Variants in PCDH15 observed in about 807,000 individuals in gnomAD.
The protein encoded by PCDH15 is protocadherin-15.
PCDH15 carries 129 observed loss-of-function variants against 178.5 expected under a neutral mutation model. That is an observed-to-expected ratio of 0.72 (90% CI 0.63 to 0.84). The LOEUF (loss-of-function observed/expected upper bound fraction) is 0.84. PCDH15 is among the 40% of genes least tolerant of loss of function. The pLI, the probability that PCDH15 is intolerant of heterozygous loss-of-function variation, is 0.00. For missense variants in PCDH15, 2,230 were observed against 2,099.9 expected, an observed-to-expected ratio of 1.06 and a Z score of -1.21; for synonymous variants, 800 against 732.0, an observed-to-expected ratio of 1.09 and a Z score of -1.50.
chr10:55,425,236 C>T (rs1184495811), intron 2 of PCDH15, among the ~76,000 whole-genome samples: 2 of 151,776 alleles, frequency 1.3e-5, no homozygotes, highest in Non-Finnish European at 2.9e-5. Context: ...TCATTTTATA[C>T]ATATTTCATT....
intron 3 of PCDH15, among the ~76,000 whole-genome samples, chr10:54,434,344 C>T (rs1311528838): frequency 5.3e-5 from 8 of 152,160 alleles, no homozygotes; most frequent in Admixed American, 1.3e-4. Context: ...AGTCACTTCT[C>T]ATTCACTGAC....
At chr10:55,475,696 T>A (rs941545011) in intron 2 of PCDH15, among the ~76,000 whole-genome samples, 2 of 152,054 alleles carry the variant, frequency 1.3e-5, no homozygotes, top group African/African-American at 4.8e-5. Context: ...TAAACTTGGG[T>A]CTCATCACCA....
chr10:54,003,736 C>CAAAA (rs55871741), intron 20 of PCDH15, among the ~76,000 whole-genome samples: 3 of 76,198 alleles, frequency 3.9e-5, no homozygotes, highest in Non-Finnish European at 4.8e-5. Context: ...CAAACTATTC[C>CAAAA]AAAAAAAAAA....
At chr10:54,828,737 T>C (rs1285073616) in intron 3 of PCDH15, among the ~76,000 whole-genome samples, 1 of 152,042 alleles carries the variant, frequency 6.6e-6, no homozygotes, top group Non-Finnish European at 1.5e-5. Context: ...CATGACAACA[T>C]ATTCAAATTT....
intron 3 of PCDH15, among the ~76,000 whole-genome samples, chr10:54,520,478 G>A (rs1171466438): frequency 1.3e-5 from 2 of 152,030 alleles, no homozygotes; most frequent in Admixed American, 1.3e-4. Context: ...CATCATCACT[G>A]GCCATCAGAG....
At chr10:55,560,817 T>G (rs972007110) in intron 2 of PCDH15, among the ~76,000 whole-genome samples, 1 of 151,998 alleles carries the variant, frequency 6.6e-6, no homozygotes, top group Admixed American at 6.6e-5. Context: ...GTTAGATTTT[T>G]GGGCTATTAA....
intron 24 of PCDH15, among the ~76,000 whole-genome samples, chr10:53,940,389 CT>C (rs2085949011): frequency 6.6e-6 from 1 of 152,042 alleles, no homozygotes; most frequent in African/African-American, 2.4e-5. Context: ...ACATGCATAG[CT>C]TTTAACATGG....
chr10:54,280,904 T>C (rs1288200074), intron 8 of PCDH15, among the ~76,000 whole-genome samples: 2 of 151,846 alleles, frequency 1.3e-5, no homozygotes, highest in African/African-American at 4.8e-5. Context: ...CCCAGTATCT[T>C]AATACAACTC....
At chr10:54,817,005 T>C (rs1031363723) in intron 3 of PCDH15, among the ~76,000 whole-genome samples, 1 of 152,116 alleles carries the variant, frequency 6.6e-6, no homozygotes, top group Non-Finnish European at 1.5e-5. Context: ...TAGGATGTTC[T>C]GTATTTAATT....
Position 54,157,758 on chromosome 10 carries a change from A to G in PCDH15, c.1591-4465T>C, listed in dbSNP as rs148700505. Among the ~76,000 whole-genome samples, 920 of 152,228 alleles carry G rather than the reference A, an allele frequency of 6.0e-3. 6 individuals carry two copies. The highest frequency in any genetic ancestry group is 0.02 in the African/African-American group (851 of 41,530). ...TTTTATGTTCTGTTTCCATTATAAAACTGAATGCACTTAACAGCACCCAAG... is the reference window on the plus strand; with the variant it reads ...TTTTATGTTCTGTTTCCATTATAAAGCTGAATGCACTTAACAGCACCCAAG... On this transcript the variant is annotated intron_variant, in intron 13 of 37. Coordinates refer to ENST00000644397, the MANE Select transcript of PCDH15 (RefSeq NM_001384140.1).
intron 5 of PCDH15, 29 bp from the exon 6 acceptor site, chr10:54,346,513 A>AT: frequency 6.2e-7 from 1 of 1,610,790 alleles, no homozygotes; most frequent in Non-Finnish European, 8.5e-7. Context: ...TTAAATATCA[A>AT]TTTTCATTTT....
At chr10:55,377,668 A>C (rs1000330920) in intron 2 of PCDH15, among the ~76,000 whole-genome samples, 1 of 152,072 alleles carries the variant, frequency 6.6e-6, no homozygotes, top group Non-Finnish European at 1.5e-5. Flanking sequence ...AACTTGGTTT[A>C]CCTGGTACTA....
intron 23 of PCDH15, among the ~76,000 whole-genome samples, chr10:53,951,213 G>T (rs979977837): frequency 1.1e-4 from 16 of 152,134 alleles, no homozygotes; most frequent in African/African-American, 3.9e-4. Flanking sequence ...ATTGTAAATA[G>T]ATATGAAGAA....
chr10:55,015,218 T>C (rs1394441914), intron 2 of PCDH15, among the ~76,000 whole-genome samples: 2 of 152,072 alleles, frequency 1.3e-5, no homozygotes, highest in Non-Finnish European at 2.9e-5. Context: ...TATTTAAATT[T>C]ATATTTTAAA....
chr10:54,112,968 T>C (rs1212072808), intron 15 of PCDH15, among the ~76,000 whole-genome samples: 1 of 152,144 alleles, frequency 6.6e-6, no homozygotes, highest in Non-Finnish European at 1.5e-5. Flanking sequence ...AATCTGAAAA[T>C]GATTTAAGCT....
intron 1 of PCDH15, among the ~76,000 whole-genome samples, chr10:54,732,003 T>A (rs1302530421): frequency 6.6e-6 from 1 of 151,316 alleles, no homozygotes; most frequent in Non-Finnish European, 1.5e-5. Context: ...ATTACACTGA[T>A]TTGATATTTA....
chr10:54,976,841 T>C (rs1839085107), intron 2 of PCDH15, among the ~76,000 whole-genome samples: 2 of 152,184 alleles, frequency 1.3e-5, no homozygotes, highest in African/African-American at 4.8e-5. Flanking sequence ...GGATTAGTTT[T>C]AGGGAGGAAC....
At chr10:54,091,536 A>G (rs1185049341) in intron 15 of PCDH15, among the ~76,000 whole-genome samples, 1 of 152,190 alleles carries the variant, frequency 6.6e-6, no homozygotes, top group Non-Finnish European at 1.5e-5. Flanking sequence ...AGCTACCACA[A>G]TGGATTGATG....
At chr10:54,600,535 G>A in intron 2 of PCDH15, 1 of 577,770 alleles carries the variant, frequency 1.7e-6, no homozygotes, top group Non-Finnish European at 3.4e-6. Context: ...GAGGGAGATG[G>A]TGCTACCAAA....
Sources: gnomAD v4.1 joint callset for allele counts (sites outside exome capture counted in the v4.1 genomes callset) on GRCh38, gnomAD v4.1.1 for gene constraint, MANE v1.5 for transcripts, NCBI Gene and HGNC (gene_info 2026-07-23, HGNC 2026-07-21) for gene names.